Variants in SLC25A30 observed in about 807,000 individuals in gnomAD.
SLC25A30 encodes solute carrier family 25 member 30, also known as kidney mitochondrial carrier protein 1.
In SLC25A30, 29 loss-of-function variants were observed where a neutral mutation model predicts 42.7. That is an observed-to-expected ratio of 0.68 (90% confidence interval 0.51 to 0.93). The LOEUF is 0.93. Among genes scored for constraint, SLC25A30 ranks in the 40% least tolerant of loss-of-function variants. The pLI, the probability that SLC25A30 is intolerant of heterozygous loss-of-function variation, is 0.00. For missense variants in SLC25A30, 300 were observed against 359.7 expected (o/e 0.83, Z 1.34); for synonymous variants, 124 against 131.0 (o/e 0.95, Z 0.37).
At chr13:45,423,670 ATAC>A in the SLC25A30 span, among the ~76,000 whole-genome samples, 1 of 24,820 alleles carries the variant, frequency 4.0e-5, no homozygotes, top group Non-Finnish European at 6.1e-5. Flanking sequence ...TATATATAAA[ATAC>A]ATATTTATAT....
chr13:45,423,908 T>G, the SLC25A30 span, among the ~76,000 whole-genome samples: 1 of 82,566 alleles, frequency 1.2e-5, no homozygotes, highest in Non-Finnish European at 2.1e-5. Context: ...TATATAAGAA[T>G]ATATAAAAAT....
upstream of SLC25A30, among the ~76,000 whole-genome samples, chr13:45,421,465 GA>G (rs1883891589): frequency 6.6e-6 from 1 of 151,570 alleles, no homozygotes; most frequent in Non-Finnish European, 1.5e-5. Context: ...GTCCCTGTTG[GA>G]AGCAACTTCT....
At chr13:45,425,320 A>G in the SLC25A30 span, among the ~76,000 whole-genome samples, 330 of 107,136 alleles carry the variant, frequency 3.1e-3, 1 homozygote, top group Admixed American at 5.8e-3. Flanking sequence ...ATATATATGT[A>G]TATGTAACTA....
chr13:45,419,043 A>G (rs1883786893), upstream of SLC25A30, among the ~76,000 whole-genome samples: 1 of 139,732 alleles, frequency 7.2e-6, no homozygotes, highest in Admixed American at 7.4e-5. Context: ...AAACAGGAGA[A>G]TCGCTTGAAC....
chr13:45,432,138 T>C, the SLC25A30 span, among the ~76,000 whole-genome samples: 17,941 of 151,696 alleles, frequency 0.12, 1,133 homozygotes, highest in African/African-American at 0.16. Flanking sequence ...GGCATGGTAG[T>C]GCGCACCTGT....
intron 3 of SLC25A30, among the ~76,000 whole-genome samples, chr13:45,406,831 C>G (rs758609299): frequency 1.3e-5 from 2 of 152,190 alleles, no homozygotes; most frequent in Non-Finnish European, 2.9e-5. Flanking sequence ...AGCATCACCC[C>G]CTCTGACTTC....
At chr13:45,428,742 T>G in the SLC25A30 span, among the ~76,000 whole-genome samples, 20 of 147,034 alleles carry the variant, frequency 1.4e-4, no homozygotes, top group Non-Finnish European at 2.7e-4. Flanking sequence ...AGGCTGGTCT[T>G]GAACTCCTGA....
chr13:45,419,002 G>C (rs1383884248), upstream of SLC25A30, among the ~76,000 whole-genome samples: 1 of 123,496 alleles, frequency 8.1e-6, no homozygotes, highest in Non-Finnish European at 1.6e-5. Context: ...CTGGTGGCGG[G>C]TGCCTGTAAT....
the SLC25A30 span, among the ~76,000 whole-genome samples, chr13:45,431,850 T>C: frequency 6.6e-6 from 1 of 152,172 alleles, no homozygotes; most frequent in African/African-American, 2.4e-5. Context: ...TTTTCTAGTC[T>C]TTCTCATAGT....
chr13:45,406,890 A>G (rs1405411683), intron 3 of SLC25A30, among the ~76,000 whole-genome samples: 2 of 152,190 alleles, frequency 1.3e-5, no homozygotes, highest in African/African-American at 4.8e-5. Flanking sequence ...GGTTCCCCAG[A>G]AATCTATCCT....
the SLC25A30 span, among the ~76,000 whole-genome samples, chr13:45,424,448 AAT>A: frequency 2.1e-5 from 1 of 47,998 alleles, no homozygotes; most frequent in African/African-American, 1.0e-4. Context: ...AATATATAAA[AAT>A]ATATAAACAT....
At chr13:45,408,490 T>C (rs760260688) in intron 3 of SLC25A30, among the ~76,000 whole-genome samples, 13 of 152,312 alleles carry the variant, frequency 8.5e-5, no homozygotes, top group East Asian at 1.9e-4. Context: ...TATTCTGATA[T>C]AGGTCTCACT....
At chr13:45,425,101 A>AC in the SLC25A30 span, among the ~76,000 whole-genome samples, 1 of 9,034 alleles carries the variant, frequency 1.1e-4, no homozygotes, top group African/African-American at 3.9e-4. Flanking sequence ...TATATTTATA[A>AC]ATATATAAAT....
chr13:45,415,436 T>TA (rs1168002560), intron 1 of SLC25A30, among the ~76,000 whole-genome samples: 1 of 152,026 alleles, frequency 6.6e-6, no homozygotes, highest in Admixed American at 6.6e-5. Context: ...GCAGAGGAAA[T>TA]AAAAAATTTT....
At chr13:45,429,004 A>T in the SLC25A30 span, among the ~76,000 whole-genome samples, 2 of 150,718 alleles carry the variant, frequency 1.3e-5, no homozygotes, top group African/African-American at 4.9e-5. Flanking sequence ...TATAATATCC[A>T]CCTAACCAAA....
At chr13:45,419,148 A>AAAAG (rs1302891800), upstream of SLC25A30, among the ~76,000 whole-genome samples, 16 of 145,828 alleles carry the variant, frequency 1.1e-4, no homozygotes, top group African/African-American at 3.2e-4. Context: ...AAAAAAAAAA[A>AAAAG]AAAGAAAGAA....
the SLC25A30 span, among the ~76,000 whole-genome samples, chr13:45,425,442 A>G: frequency 2.7e-5 from 3 of 111,010 alleles, no homozygotes; most frequent in Non-Finnish European, 5.1e-5. Flanking sequence ...ATATGTATAT[A>G]TAAATATATA....
rs11330086 is a variant in SLC25A30, at chr13:45,399,096, GAA to G, written c.615-20_615-19del. The G allele has an allele frequency of 2.3e-3, 2,946 of 1,287,330 alleles. No homozygotes were observed. Among genetic ancestry groups the G allele is most frequent in the South Asian group, 6.5e-3 (426 of 66,040 alleles). The allele number at this position is 1,287,330 out of a possible 1,614,324, so 79.7% of individuals were successfully genotyped here. A position where few individuals can be genotyped will look rare whatever the true frequency, so the allele number is the denominator to read the frequency against. On this transcript the variant is annotated intron_variant, in intron 7 of 9. Coordinates refer to ENST00000519676, the MANE Select transcript of SLC25A30 (RefSeq NM_001010875.4). ...AGCTTGAGCTATAAAGACACCATTGGAAAAAAAAAAAAAAGTTAACCATCACT... is the reference window on the plus strand; with the variant it reads ...AGCTTGAGCTATAAAGACACCATTGGAAAAAAAAAAAAGTTAACCATCACT...
the SLC25A30 span, among the ~76,000 whole-genome samples, chr13:45,426,209 C>T: frequency 6.6e-6 from 1 of 151,944 alleles, no homozygotes; most frequent in East Asian, 1.9e-4. Context: ...GCCTCAGCCT[C>T]CTGAGTGGCT....
Sources: gnomAD v4.1 joint callset for allele counts (sites outside exome capture counted in the v4.1 genomes callset) on GRCh38, gnomAD v4.1.1 for gene constraint, MANE v1.5 for transcripts, NCBI Gene and HGNC (gene_info 2026-07-23, HGNC 2026-07-21) for gene names.